Variants in MAF observed in about 807,000 individuals in gnomAD.
MAF encodes MAF bZIP transcription factor, also known as transcription factor Maf.
MAF carries 10 observed loss-of-function variants against 22.0 expected under a neutral mutation model. The observed-to-expected ratio is 0.45, with a 90% CI of 0.28 to 0.77. The LOEUF is 0.77. Among genes scored for constraint, MAF ranks in the 30% least tolerant of loss-of-function variants. The pLI, the probability that MAF is intolerant of heterozygous loss-of-function variation, is 0.12. For synonymous variants in MAF, 337 were observed against 255.8 expected (o/e 1.32, Z -3.03); for missense variants, 544 against 548.4 (o/e 0.99, Z 0.08).
At chr16:79,349,487 T>A in the MAF span, among the ~76,000 whole-genome samples, 1 of 152,182 alleles carries the variant, frequency 6.6e-6, no homozygotes, top group Non-Finnish European at 1.5e-5. Flanking sequence ...TCATTGCCAA[T>A]TTCAAAAACA....
At chr16:79,581,363 C>A (rs1412112735), downstream of MAF, among the ~76,000 whole-genome samples, 1 of 152,178 alleles carries the variant, frequency 6.6e-6, no homozygotes. Flanking sequence ...TTAACTACCA[C>A]CGGCAACAAA....
chr16:79,420,706 C>T, the MAF span, among the ~76,000 whole-genome samples: 1 of 152,206 alleles, frequency 6.6e-6, no homozygotes, highest in Non-Finnish European at 1.5e-5. Context: ...CGGTGAACCG[C>T]GGCCCACAAA....
At chr16:79,219,026 A>G in the MAF span, among the ~76,000 whole-genome samples, 6 of 152,216 alleles carry the variant, frequency 3.9e-5, no homozygotes. Flanking sequence ...TTTTATAAAC[A>G]TGTGCCACAC....
the MAF span, among the ~76,000 whole-genome samples, chr16:79,470,470 G>T: frequency 6.6e-6 from 1 of 152,146 alleles, no homozygotes; most frequent in Non-Finnish European, 1.5e-5. Flanking sequence ...GGAAGCAAAA[G>T]GCCATGTACC....
At chr16:79,306,556 G>A in the MAF span, among the ~76,000 whole-genome samples, 4 of 152,212 alleles carry the variant, frequency 2.6e-5, no homozygotes, top group East Asian at 3.9e-4. Flanking sequence ...TGAATTGGAT[G>A]TATGGGATAA....
the MAF span, among the ~76,000 whole-genome samples, chr16:79,509,660 A>G: frequency 2.6e-5 from 4 of 152,210 alleles, no homozygotes; most frequent in East Asian, 7.7e-4. Context: ...CCTTGGCCTG[A>G]GCGTGTAATT....
chr16:79,574,290 T>C, the MAF span, among the ~76,000 whole-genome samples: 1 of 152,246 alleles, frequency 6.6e-6, no homozygotes, highest in African/African-American at 2.4e-5. Flanking sequence ...GTCCTGTTTC[T>C]ACTTTAGCCC....
chr16:79,301,486 G>A, the MAF span, among the ~76,000 whole-genome samples: 4 of 152,150 alleles, frequency 2.6e-5, no homozygotes, highest in Admixed American at 2.6e-4. Flanking sequence ...AAGGGAGACT[G>A]TCTTAGTCCT....
chr16:79,480,110 G>C, the MAF span, among the ~76,000 whole-genome samples: 2 of 152,110 alleles, frequency 1.3e-5, no homozygotes, highest in African/African-American at 4.8e-5. Context: ...GATACTCCTT[G>C]ACTGCTTTGC....
At chr16:79,508,155 C>T in the MAF span, among the ~76,000 whole-genome samples, 4 of 152,152 alleles carry the variant, frequency 2.6e-5, no homozygotes, top group African/African-American at 7.2e-5. Context: ...TCATTGCAAA[C>T]CCTGAGCCAC....
At chr16:79,576,989 G>A in the MAF span, among the ~76,000 whole-genome samples, 1 of 152,132 alleles carries the variant, frequency 6.6e-6, no homozygotes, top group African/African-American at 2.4e-5. Context: ...GTAATTTCCT[G>A]AGTGCCAGCA....
At chr16:79,240,183 G>A in the MAF span, among the ~76,000 whole-genome samples, 1 of 151,710 alleles carries the variant, frequency 6.6e-6, no homozygotes, top group Non-Finnish European at 1.5e-5. Context: ...AAATTAACTT[G>A]GGGATACTGG....
At chr16:79,468,322 T>TG in the MAF span, among the ~76,000 whole-genome samples, 2 of 152,156 alleles carry the variant, frequency 1.3e-5, no homozygotes, top group African/African-American at 4.8e-5. Flanking sequence ...CAGACGGCAC[T>TG]GGGGGGATGC....
chr16:79,266,688 G>A, the MAF span, among the ~76,000 whole-genome samples: 2 of 152,166 alleles, frequency 1.3e-5, no homozygotes, highest in Non-Finnish European at 2.9e-5. Context: ...GGAGAGTAGG[G>A]TAGAGTGATG....
At chr16:79,309,953 T>C in the MAF span, among the ~76,000 whole-genome samples, 19 of 152,338 alleles carry the variant, frequency 1.2e-4, no homozygotes, top group East Asian at 7.7e-4. Flanking sequence ...CAGAGGTTAA[T>C]AGCCTGGTGA....
chr16:79,415,579 T>C, the MAF span, among the ~76,000 whole-genome samples: 1 of 152,240 alleles, frequency 6.6e-6, no homozygotes, highest in Non-Finnish European at 1.5e-5. Flanking sequence ...GTGGTCAGCA[T>C]TCAAAGCCTG....
At chr16:79,449,656 G>A in the MAF span, among the ~76,000 whole-genome samples, 1 of 152,106 alleles carries the variant, frequency 6.6e-6, no homozygotes, top group Non-Finnish European at 1.5e-5. Context: ...TCTAGGGAAG[G>A]GTCTCCCACC....
At chr16:79,550,508 A>G in the MAF span, among the ~76,000 whole-genome samples, 2 of 152,300 alleles carry the variant, frequency 1.3e-5, no homozygotes, top group East Asian at 3.9e-4. Flanking sequence ...ACAGCTCACC[A>G]TGTGACCCAT....
chr16:79,315,749 T>A, the MAF span, among the ~76,000 whole-genome samples: 1 of 152,236 alleles, frequency 6.6e-6, no homozygotes, highest in Admixed American at 6.5e-5. Flanking sequence ...TAAAAAGTTA[T>A]TGAGAGCAGG....
Sources: gnomAD v4.1 joint callset for allele counts (sites outside exome capture counted in the v4.1 genomes callset) on GRCh38, gnomAD v4.1.1 for gene constraint, MANE v1.5 for transcripts, NCBI Gene and HGNC (gene_info 2026-07-23, HGNC 2026-07-21) for gene names.